The following GNAI1 variants were observed in gnomAD, a reference collection of about 807,000 sequenced individuals.
The protein encoded by GNAI1 is guanine nucleotide-binding protein G(i) subunit alpha-1.
A neutral mutation model predicts 38.9 loss-of-function variants in GNAI1; 11 were observed. The ratio of observed to expected loss-of-function variants is 0.28; its 90% confidence interval spans 0.18 to 0.47. The LOEUF is 0.47. Among genes scored for constraint, GNAI1 ranks in the 20% least tolerant of loss-of-function variants. GNAI1 has a pLI of 0.99. For missense variants in GNAI1, 317 were observed against 436.9 expected (o/e 0.73, Z 2.45); for synonymous variants, 166 against 145.1 (o/e 1.14, Z -1.04).
At chr7:80,152,411 T>A (rs1030625184) in intron 1 of GNAI1, among the ~76,000 whole-genome samples, 2 of 152,246 alleles carry the variant, frequency 1.3e-5, no homozygotes, top group Non-Finnish European at 2.9e-5. Flanking sequence ...TTAACTGATA[T>A]ACCCAACAGG....
chr7:80,187,510 A>G (rs946969683), intron 1 of GNAI1: 1 of 152,386 alleles, frequency 6.6e-6, no homozygotes, highest in Admixed American at 6.5e-5. Flanking sequence ...TGGCAAGACC[A>G]GAGCAAATTG....
chr7:80,211,071 C>A lies in GNAI1; in HGVS notation c.693C>A (p.Asp231Glu). 6.2e-7 allele frequency: 1 copy of A among 1,613,272 alleles called. No homozygotes were observed. Among genetic ancestry groups the A allele is most frequent in the Non-Finnish European group, 8.5e-7 (1 of 1,179,354 alleles). Residue 231 changes from aspartate (D) to glutamate (E), a missense_variant, in exon 6 of 8, where the codon GAC becomes GAA. Asp to Glu is a conservative substitution (Grantham distance 45, BLOSUM62 2). This residue lies in a region of GNAI1 where 158 missense variants were observed against 234.7 expected (regional missense o/e 0.67). Transcript: ENST00000649796. ...TCTGTGTAGCACTGAGTGACTACGA[C>A]CTGGTTCTAGCTGAAGATGAAGAAA... ...IIFCVALSDY[D>E]LVLAEDEEMN...
chr7:80,136,174 A>G (rs1054410042), intron 1 of GNAI1: 4 of 401,512 alleles, frequency 1.0e-5, no homozygotes, highest in Non-Finnish European at 1.0e-5. Flanking sequence ...TAAAGAGTAA[A>G]CCAGGGTTTT....
At chr7:80,203,545 A>G (rs1023254999) in intron 4 of GNAI1, among the ~76,000 whole-genome samples, 159 bp from the exon 5 acceptor site, 5 of 152,190 alleles carry the variant, frequency 3.3e-5, no homozygotes, top group Non-Finnish European at 5.9e-5. Flanking sequence ...GTAAGATAAG[A>G]TACAAGCTTA....
chr7:80,204,729 A>T (rs1177000079), intron 5 of GNAI1, among the ~76,000 whole-genome samples: 1 of 152,114 alleles, frequency 6.6e-6, no homozygotes, highest in African/African-American at 2.4e-5. Context: ...AAACAAAATT[A>T]CCCTTAAGTC....
chr7:80,153,206 C>T (rs939955822), intron 1 of GNAI1, among the ~76,000 whole-genome samples: 1 of 152,096 alleles, frequency 6.6e-6, no homozygotes, highest in Non-Finnish European at 1.5e-5. Flanking sequence ...ATTAATCAAG[C>T]TTGTCATGTC....
In GNAI1 at chr7:80,140,775, A is replaced by C. The variant is rs376940682; in HGVS notation, c.118+5497A>C. Among the ~76,000 whole-genome samples, 25 of 152,344 alleles carry C rather than the reference A, an allele frequency of 1.6e-4. No homozygotes were observed. In the South Asian group the frequency reaches 5.0e-3, roughly 30 times the overall value. On this transcript the variant is annotated intron_variant, in intron 1 of 7. Coordinates refer to ENST00000649796, the MANE Select transcript of GNAI1 (RefSeq NM_002069.6). ...GTTCATTACCATAAACGTAGTGACA[A>C]CACAAAATTTATTGTCATACAGTTG...
At chr7:80,158,246 G>A (rs1787853375) in intron 1 of GNAI1, among the ~76,000 whole-genome samples, 1 of 152,098 alleles carries the variant, frequency 6.6e-6, no homozygotes, top group South Asian at 2.1e-4. Flanking sequence ...TCATTTTCTT[G>A]ATATCTACAA....
chr7:80,171,177 T>C (rs1179185517), intron 1 of GNAI1, among the ~76,000 whole-genome samples: 3 of 152,232 alleles, frequency 2.0e-5, no homozygotes, highest in Admixed American at 6.5e-5. Context: ...GTACGCCTTT[T>C]CTGATTAGTA....
At chr7:80,177,117 G>A (rs1243085776) in intron 1 of GNAI1, among the ~76,000 whole-genome samples, 1 of 129,164 alleles carries the variant, frequency 7.7e-6, no homozygotes, top group Middle Eastern at 5.0e-3. Context: ...TGCAAGCTCC[G>A]CCTCCCGGGT....
rs10555768 is a variant in GNAI1 at position 80,225,021 on chromosome 7, AAC to A, written c.*7532_*7533del. Reference sequence around the variant, plus strand: ...TGGAAATGTTCCCAAGTTTTAGAGAAACACATACAAAAACTAAAAAGGATAGA... The same window carrying A: ...TGGAAATGTTCCCAAGTTTTAGAGAAACATACAAAAACTAAAAAGGATAGA... On this transcript the variant is annotated 3_prime_UTR_variant, in exon 8 of 8. Coordinates refer to ENST00000649796, the MANE Select transcript of GNAI1 (RefSeq NM_002069.6). Among the ~76,000 whole-genome samples, 16,676 of 152,224 alleles carry A rather than the reference AAC, an allele frequency of 0.11. 999 individuals are homozygous for A. The highest frequency in any genetic ancestry group is 0.15 in the African/African-American group (6,162 of 41,522).
At chr7:80,216,216 A>G (rs1390002436) in intron 7 of GNAI1, among the ~76,000 whole-genome samples, 1 of 151,602 alleles carries the variant, frequency 6.6e-6, no homozygotes, top group Non-Finnish European at 1.5e-5. Flanking sequence ...GTGCGTGTTT[A>G]AAGGTTAATG....
At chr7:80,178,997 A>G (rs1339046824) in intron 1 of GNAI1, among the ~76,000 whole-genome samples, 1 of 152,232 alleles carries the variant, frequency 6.6e-6, no homozygotes, top group East Asian at 1.9e-4. Flanking sequence ...TATTTCAACA[A>G]AAGTGTAATG....
intron 5 of GNAI1, 83 bp from the exon 6 acceptor site, chr7:80,210,884 CAG>C: frequency 8.5e-7 from 1 of 1,172,620 alleles, no homozygotes; most frequent in Non-Finnish European, 1.2e-6. Context: ...CACAACTATT[CAG>C]AGCTTTTTTT....
rs1442447225 is a variant in GNAI1, at chr7:80,225,815, A to G, written c.*8322A>G. Among the ~76,000 whole-genome samples the G allele has an allele frequency of 1.3e-5, 2 of 152,204 alleles. No individual in the cohort carries two copies. Among genetic ancestry groups the G allele is most frequent in the Non-Finnish European group, 1.5e-5 (1 of 68,032 alleles). On this transcript the variant is annotated 3_prime_UTR_variant, in exon 8 of 8. Coordinates refer to ENST00000649796, the MANE Select transcript of GNAI1 (RefSeq NM_002069.6). The stretch of plus-strand genomic sequence containing the variant: ...CCATAAGATTTGAGTTCATTAGTTT[A>G]ATGGGATCGATCTGAGAAAAATTAG...
At chr7:80,141,713 C>A (rs1490761776) in intron 1 of GNAI1, among the ~76,000 whole-genome samples, 2 of 152,144 alleles carry the variant, frequency 1.3e-5, no homozygotes, top group East Asian at 3.9e-4. Flanking sequence ...TCTTTTACTT[C>A]ACCTTTTTCC....
chr7:80,170,997 T>G (rs1424440061), intron 1 of GNAI1, among the ~76,000 whole-genome samples: 2 of 152,154 alleles, frequency 1.3e-5, no homozygotes, highest in African/African-American at 4.8e-5. Flanking sequence ...GTAAAGACAG[T>G]TTGGAAAAGA....
chr7:80,146,694 A>G (rs1787629544), intron 1 of GNAI1, among the ~76,000 whole-genome samples: 1 of 152,164 alleles, frequency 6.6e-6, no homozygotes, highest in Non-Finnish European at 1.5e-5. Context: ...GCCACAGTCC[A>G]GTCCATCTCA....
intron 1 of GNAI1, among the ~76,000 whole-genome samples, chr7:80,169,517 A>G (rs555465175): frequency 3.3e-5 from 5 of 152,314 alleles, no homozygotes; most frequent in Admixed American, 2.0e-4. Flanking sequence ...TGAAGGTTCC[A>G]TTTAGGAACA....
Sources: allele counts gnomAD v4.1 joint callset (sites outside exome capture counted in the v4.1 genomes callset), GRCh38; gene constraint gnomAD v4.1.1; regional missense constraint gnomAD v4.1.1; transcripts MANE v1.5; gene names NCBI Gene and HGNC (gene_info 2026-07-23, HGNC 2026-07-21).